TENM4: variants seen among roughly 807,000 people sequenced by gnomAD.
The protein encoded by TENM4 is teneurin transmembrane protein 4.
In TENM4, 82 loss-of-function variants were observed where a neutral mutation model predicts 243.3. The ratio of observed to expected loss-of-function variants is 0.34; its 90% CI spans 0.28 to 0.40. The LOEUF is 0.40. Among genes scored for constraint, TENM4 ranks in the 10% least tolerant of loss-of-function variants. The pLI, the probability that TENM4 is intolerant of heterozygous loss-of-function variation, is 1.00. For synonymous variants in TENM4, 1,412 were observed against 1,456.3 expected, an observed-to-expected ratio of 0.97 and a Z score of 0.69; for missense variants, 3,138 against 3,673.3, an observed-to-expected ratio of 0.85 and a Z score of 3.77.
At chr11:79,351,472 G>A (rs1857414174) in intron 1 of TENM4, among the ~76,000 whole-genome samples, 1 of 152,160 alleles carries the variant, frequency 6.6e-6, no homozygotes, top group Non-Finnish European at 1.5e-5. Flanking sequence ...TTGGAAGGCT[G>A]AGGCGGGCAG....
At chr11:79,367,340 A>G (rs1220165026) in intron 1 of TENM4, among the ~76,000 whole-genome samples, 1 of 152,196 alleles carries the variant, frequency 6.6e-6, no homozygotes, top group East Asian at 1.9e-4. Flanking sequence ...ATTCCTTTAC[A>G]AGAAGCTACC....
At chr11:79,406,003 A>G (rs1028335196) in intron 1 of TENM4, among the ~76,000 whole-genome samples, 7 of 152,104 alleles carry the variant, frequency 4.6e-5, no homozygotes, top group Non-Finnish European at 1.0e-4. Context: ...CAGAATCTCT[A>G]CGGTGATCTC....
chr11:78,861,503 G>A (rs1198549667), intron 10 of TENM4, among the ~76,000 whole-genome samples: 2 of 152,176 alleles, frequency 1.3e-5, no homozygotes, highest in Non-Finnish European at 2.9e-5. Flanking sequence ...CAAAGAAAGT[G>A]TGCACTATTT....
At chr11:78,960,984 G>A (rs549368241) in intron 6 of TENM4, among the ~76,000 whole-genome samples, 1 of 152,220 alleles carries the variant, frequency 6.6e-6, no homozygotes, top group Non-Finnish European at 1.5e-5. Context: ...CACTACAATG[G>A]CCACTTGACC....
At chr11:79,306,619 T>A (rs1856630301) in intron 1 of TENM4, among the ~76,000 whole-genome samples, 1 of 152,164 alleles carries the variant, frequency 6.6e-6, no homozygotes, top group Non-Finnish European at 1.5e-5. Context: ...AAGACAGTAA[T>A]TTTCATTCAG....
chr11:78,677,012 T>C (rs1382877245), intron 29 of TENM4, among the ~76,000 whole-genome samples: 2 of 152,164 alleles, frequency 1.3e-5, no homozygotes, highest in East Asian at 1.9e-4. Context: ...CGAATGGGTA[T>C]GGGATTTCTC....
At chr11:79,373,306 C>G (rs916395325) in intron 1 of TENM4, among the ~76,000 whole-genome samples, 4 of 131,232 alleles carry the variant, frequency 3.0e-5, no homozygotes, top group African/African-American at 1.1e-4. Flanking sequence ...GGCTGGCTGG[C>G]TGGCTGGCTG....
At chr11:78,985,678 A>G (rs991545484) in intron 6 of TENM4, among the ~76,000 whole-genome samples, 3 of 152,216 alleles carry the variant, frequency 2.0e-5, no homozygotes, top group Non-Finnish European at 2.9e-5. Flanking sequence ...AACCTATCTT[A>G]TAAAATGCAA....
intron 9 of TENM4, among the ~76,000 whole-genome samples, chr11:78,887,699 T>C (rs1376517565): frequency 6.6e-6 from 1 of 152,252 alleles, no homozygotes; most frequent in African/African-American, 2.4e-5. Context: ...GAGAGCTCAC[T>C]AATTCCCACA....
intron 3 of TENM4, among the ~76,000 whole-genome samples, chr11:79,168,149 T>C (rs1198112325): frequency 1.3e-5 from 2 of 152,172 alleles, no homozygotes; most frequent in Non-Finnish European, 2.9e-5. Context: ...GTAAAGGGGA[T>C]AGAACAAAGA....
intron 6 of TENM4, among the ~76,000 whole-genome samples, chr11:79,023,196 C>T (rs1484856040): frequency 1.3e-5 from 2 of 152,066 alleles, no homozygotes; most frequent in African/African-American, 2.4e-5. Context: ...TTCCTAATCC[C>T]CATTTGTCAA....
At chr11:79,406,444 A>G (rs546129515) in intron 1 of TENM4, among the ~76,000 whole-genome samples, 1 of 152,328 alleles carries the variant, frequency 6.6e-6, no homozygotes, top group East Asian at 1.9e-4. Context: ...TTAAACAGGG[A>G]GATGAACAAG....
chr11:79,094,733 G>A (rs1032344519), intron 4 of TENM4, among the ~76,000 whole-genome samples: 5 of 152,100 alleles, frequency 3.3e-5, no homozygotes, highest in Admixed American at 6.5e-5. Flanking sequence ...AGAGGCCTCC[G>A]TAAATCAGGC....
chr11:79,393,969 C>T (rs490611), intron 1 of TENM4, among the ~76,000 whole-genome samples: 68,643 of 151,798 alleles, frequency 0.45, 15,442 homozygotes, highest in African/African-American at 0.47. Flanking sequence ...GGGGAGCAGA[C>T]GAGAGGGGAG....
rs113375963 is a variant in TENM4 at position 78,771,871 on chromosome 11, C to T, written c.2393-733G>A. Among the ~76,000 whole-genome samples the T allele has an allele frequency of 4.6e-3, 698 of 152,288 alleles. 4 individuals carry two copies. The highest frequency in any genetic ancestry group is 8.2e-3 in the Non-Finnish European group (556 of 68,032). ...CAGCCAGGCTGCTCTGCTCTCATTA[C>T]GCTCATATGCACATCTGCCTGCCTG... On this transcript the variant is annotated intron_variant, in intron 17 of 33. Coordinates refer to ENST00000278550, the MANE Select transcript of TENM4 (RefSeq NM_001098816.3).
intron 1 of TENM4, among the ~76,000 whole-genome samples, chr11:79,361,691 A>G (rs915902243): frequency 2.0e-5 from 3 of 152,242 alleles, no homozygotes; most frequent in African/African-American, 7.2e-5. Flanking sequence ...GAAGAAAGAA[A>G]GTACAGTTGC....
intron 3 of TENM4, among the ~76,000 whole-genome samples, chr11:79,200,603 C>T (rs1326460180): frequency 1.3e-5 from 2 of 152,206 alleles, no homozygotes; most frequent in Non-Finnish European, 2.9e-5. Flanking sequence ...GGGACACGGG[C>T]ATCCATTAAA....
intron 1 of TENM4, among the ~76,000 whole-genome samples, chr11:79,370,026 T>A (rs574327739): frequency 2.3e-4 from 35 of 152,336 alleles, no homozygotes; most frequent in African/African-American, 7.9e-4. Context: ...ATTCTGGGTC[T>A]GTTTCCTCAT....
intron 6 of TENM4, among the ~76,000 whole-genome samples, chr11:78,918,290 C>G (rs909140246): frequency 6.6e-6 from 1 of 152,152 alleles, no homozygotes; most frequent in Non-Finnish European, 1.5e-5. Flanking sequence ...ATAGAGCAGT[C>G]CCCTCACAAA....
Sources: gnomAD v4.1 joint callset for allele counts (sites outside exome capture counted in the v4.1 genomes callset) on GRCh38, gnomAD v4.1.1 for gene constraint, MANE v1.5 for transcripts, NCBI Gene and HGNC (gene_info 2026-07-23, HGNC 2026-07-21) for gene names.